Variants in FKBP6 observed in about 807,000 individuals in gnomAD.
The protein encoded by FKBP6 is inactive peptidyl-prolyl cis-trans isomerase FKBP6.
A neutral mutation model predicts 41.7 loss-of-function variants in FKBP6; 29 were observed. That is an observed-to-expected ratio of 0.70 (90% confidence interval 0.52 to 0.95). The LOEUF is 0.95. Among genes scored for constraint, FKBP6 ranks in the 40% least tolerant of loss-of-function variants. The pLI is 0.00. For missense variants in FKBP6, 338 were observed against 408.7 expected, an observed-to-expected ratio of 0.83 and a Z score of 1.49; for synonymous variants, 130 against 165.1, an observed-to-expected ratio of 0.79 and a Z score of 1.63.
chr7:73,340,889 C>T (rs1805159170), intron 6 of FKBP6, 57 bp downstream of exon 6: 1 of 1,078,824 alleles, frequency 9.3e-7, no homozygotes, highest in South Asian at 1.3e-5. Context: ...AGTAGCAGTG[C>T]TCAACTCAGC....
intron 8 of FKBP6, among the ~76,000 whole-genome samples, chr7:73,348,520 T>G (rs1399506639): frequency 6.6e-6 from 1 of 152,146 alleles, no homozygotes; most frequent in Non-Finnish European, 1.5e-5. Context: ...ACCAGACATG[T>G]AGGGATTTTC....
chr7:73,357,636 C>T (rs561067973), intron 8 of FKBP6, among the ~76,000 whole-genome samples: 8 of 152,160 alleles, frequency 5.3e-5, no homozygotes, highest in Admixed American at 3.9e-4. Flanking sequence ...CTGTTCCTGA[C>T]ACCCCACCTC....
intron 5 of FKBP6, among the ~76,000 whole-genome samples, chr7:73,337,541 T>C (rs1323337022): frequency 2.0e-5 from 3 of 152,110 alleles, no homozygotes; most frequent in African/African-American, 7.2e-5. Flanking sequence ...CTTGAACTCC[T>C]GACCTCAGGT....
At chr7:73,331,542 C>T in intron 4 of FKBP6, 115 bp from the exon 5 acceptor site, 1 of 964,022 alleles carries the variant, frequency 1.0e-6, no homozygotes, top group Non-Finnish European at 1.7e-6. Context: ...GAGACATGTT[C>T]TCACTATGTT....
At chr7:73,348,569 C>T (rs1805400104) in intron 8 of FKBP6, among the ~76,000 whole-genome samples, 1 of 152,242 alleles carries the variant, frequency 6.6e-6, no homozygotes, top group African/African-American at 2.4e-5. Context: ...CAGTGTCCTA[C>T]ATTACAGCTC....
At chr7:73,357,276 T>G (rs1327074777) in intron 8 of FKBP6, among the ~76,000 whole-genome samples, 8 of 143,472 alleles carry the variant, frequency 5.6e-5, no homozygotes, top group Non-Finnish European at 1.1e-4. Context: ...TTGGTTTTTT[T>G]TTTTTTTTTT....
Position 73,328,230 on chromosome 7 carries a change from G to T in FKBP6, c.-199G>T. 6.5e-7 allele frequency: 1 copy of T among 1,549,114 alleles called. No individual in the cohort carries two copies. Among genetic ancestry groups the T allele is most frequent in the Non-Finnish European group, 8.7e-7 (1 of 1,146,626 alleles). The stretch of plus-strand genomic sequence containing the variant: ...ACCGCGTGGCCTCTGTAGTTCCAGA[G>T]CTCGCGAGGGCCAGGGCCGTTGGCG... On this transcript the variant is annotated 5_prime_UTR_variant, in exon 1 of 9. Transcript: ENST00000252037.
In FKBP6 at chr7:73,328,346, G is replaced by A; in HGVS notation, c.-83G>A. ...GTCTGCCGGGCATAAAGGGGCCTTC[G>A]GAACCCCACCAGAGTCACAGCCAGG... On this transcript the variant is annotated 5_prime_UTR_variant, in exon 1 of 9. Transcript: ENST00000252037. 4 of 1,554,572 alleles carry A rather than the reference G, an allele frequency of 2.6e-6. No homozygotes were observed. Among genetic ancestry groups the A allele is most frequent in the East Asian group, 2.4e-5 (1 of 41,592 alleles).
chr7:73,355,233 C>G (rs1239000948), intron 8 of FKBP6, among the ~76,000 whole-genome samples: 1 of 152,178 alleles, frequency 6.6e-6, no homozygotes, highest in Non-Finnish European at 1.5e-5. Flanking sequence ...TGTCTGTGTT[C>G]GCTGCCTCAG....
chr7:73,348,690 A>T (rs1418863839), intron 8 of FKBP6, among the ~76,000 whole-genome samples: 2 of 152,186 alleles, frequency 1.3e-5, no homozygotes, highest in South Asian at 2.1e-4. Flanking sequence ...TGTGCTTCTT[A>T]CTAACTGGTT....
In FKBP6 at chr7:73,329,324, T is replaced by G. The variant is rs1401838821; in HGVS notation, c.176-36T>G. The G allele has an allele frequency of 4.9e-6, 6 of 1,213,110 alleles. No individual in the cohort carries two copies. The East Asian group carries it at 9.3e-5, about 19-fold the overall frequency. The allele number at this position is 1,213,110 out of a possible 1,614,324, so 75.1% of individuals were successfully genotyped here. On this transcript the variant is annotated intron_variant, in intron 2 of 8. Transcript: ENST00000252037. ...GATATTATGGTGGCGTGGGTGTTTT[T>G]GGTCCATTTTCCTTACATTCTTTCT...
intron 7 of FKBP6, 33 bp from the exon 8 acceptor site, chr7:73,342,774 C>T: frequency 1.4e-6 from 2 of 1,446,994 alleles, no homozygotes; most frequent in Non-Finnish European, 1.9e-6. Context: ...CAAACACAGA[C>T]CTCCTCTAAC....
At chr7:73,341,756 C>T (rs539589421) in intron 7 of FKBP6, among the ~76,000 whole-genome samples, 3 of 151,214 alleles carry the variant, frequency 2.0e-5, no homozygotes, top group South Asian at 2.1e-4. Flanking sequence ...CTCCGCGTCC[C>T]GAGTTCAGAC....
chr7:73,331,280 T>C (rs1276899224), intron 4 of FKBP6, among the ~76,000 whole-genome samples: 2 of 152,220 alleles, frequency 1.3e-5, no homozygotes, highest in African/African-American at 4.8e-5. Context: ...CTTCTGTGCT[T>C]GGCAAGTTCC....
chr7:73,355,164 C>T (rs1445310417), intron 8 of FKBP6, among the ~76,000 whole-genome samples: 1 of 152,226 alleles, frequency 6.6e-6, no homozygotes, highest in Non-Finnish European at 1.5e-5. Flanking sequence ...GGGGCCCACC[C>T]GCCGTGGAAG....
intron 8 of FKBP6, among the ~76,000 whole-genome samples, chr7:73,352,673 AG>A (rs1805524542): frequency 6.6e-6 from 1 of 152,220 alleles, no homozygotes; most frequent in African/African-American, 2.4e-5. Context: ...GGTGAGCCTC[AG>A]AGGTTCAAGA....
chr7:73,345,191 A>G (rs1232996149), intron 8 of FKBP6, among the ~76,000 whole-genome samples: 1 of 149,530 alleles, frequency 6.7e-6, no homozygotes, highest in Non-Finnish European at 1.5e-5. Flanking sequence ...TGGTATTGCC[A>G]GGGACAGAAA....
intron 8 of FKBP6, among the ~76,000 whole-genome samples, chr7:73,348,372 G>T (rs1277572254): frequency 6.6e-6 from 1 of 152,128 alleles, no homozygotes; most frequent in Non-Finnish European, 1.5e-5. Flanking sequence ...TCAACGTCTG[G>T]CTTTAACAAT....
intron 5 of FKBP6, among the ~76,000 whole-genome samples, chr7:73,335,820 T>C (rs782634249): frequency 6.6e-6 from 1 of 152,186 alleles, no homozygotes; most frequent in African/African-American, 2.4e-5. Flanking sequence ...TCCTGTCCTT[T>C]GCTTGTGTTG....
Sources: allele counts gnomAD v4.1 joint callset (sites outside exome capture counted in the v4.1 genomes callset), GRCh38; gene constraint gnomAD v4.1.1; transcripts MANE v1.5; gene names NCBI Gene and HGNC (gene_info 2026-07-23, HGNC 2026-07-21).